CADM2: variants seen among roughly 807,000 people sequenced by gnomAD.
CADM2 encodes the protein immunoglobulin superfamily member 4D.
In CADM2, 12 loss-of-function variants were observed where a neutral mutation model predicts 49.8. The observed-to-expected ratio is 0.24, with a 90% CI of 0.15 to 0.39. CADM2 has a LOEUF of 0.39. Among genes scored for constraint, CADM2 ranks in the 10% least tolerant of loss-of-function variants. CADM2 has a pLI of 1.00. For synonymous variants in CADM2, 214 were observed against 175.4 expected, an observed-to-expected ratio of 1.22 and a Z score of -1.74; for missense variants, 378 against 492.3, an observed-to-expected ratio of 0.77 and a Z score of 2.20.
intron 1 of CADM2, among the ~76,000 whole-genome samples, chr3:85,645,320 G>A (rs577516585): frequency 6.6e-6 from 1 of 151,968 alleles, no homozygotes; most frequent in Non-Finnish European, 1.5e-5. Flanking sequence ...GACAAGCTGC[G>A]TTTTAAACAA....
At chr3:85,238,790 C>T (rs1205698358) in intron 1 of CADM2, among the ~76,000 whole-genome samples, 1 of 151,822 alleles carries the variant, frequency 6.6e-6, no homozygotes, top group Non-Finnish European at 1.5e-5. Context: ...ATACAATTTA[C>T]TTTGCAGAAT....
At chr3:84,976,850 A>T (rs1393379385) in intron 1 of CADM2, among the ~76,000 whole-genome samples, 1 of 151,864 alleles carries the variant, frequency 6.6e-6, no homozygotes, top group Non-Finnish European at 1.5e-5. Context: ...TTTCAAATGC[A>T]CCCTTGGAAA....
chr3:85,277,017 A>C (rs2043372434), intron 1 of CADM2, among the ~76,000 whole-genome samples: 1 of 151,386 alleles, frequency 6.6e-6, no homozygotes. Context: ...TATGATTGTT[A>C]ATCTTAAGCT....
intron 1 of CADM2, among the ~76,000 whole-genome samples, chr3:85,693,584 A>AAG (rs1239500989): frequency 2.8e-5 from 4 of 143,064 alleles, no homozygotes; most frequent in African/African-American, 1.0e-4. Flanking sequence ...AAAAAAAAAA[A>AAG]GAAAAGAAAA....
Position 85,201,858 on chromosome 3 carries a change from G to A in CADM2, c.61+242190G>A, listed in dbSNP as rs1438384837. On this transcript the variant is annotated intron_variant, in intron 1 of 9. Coordinates refer to ENST00000383699, the MANE Select transcript of CADM2 (RefSeq NM_001167675.2). ...AGCACTTTGGGAGGCCGAGGAGGGC[G>A]GATCACAAGGTCAAGAGATCAAGAC... Among the ~76,000 whole-genome samples the A allele has an allele frequency of 5.3e-5, 8 of 151,916 alleles. No individual in the cohort carries two copies. The South Asian group carries it at 1.2e-3, about 24-fold the overall frequency.
chr3:85,500,938 C>G (rs1325168967), intron 1 of CADM2, among the ~76,000 whole-genome samples: 1 of 152,130 alleles, frequency 6.6e-6, no homozygotes, highest in East Asian at 1.9e-4. Context: ...CTTAGACCAT[C>G]AAAGCCAAAA....
At chr3:85,374,196 T>G (rs2107330420) in intron 1 of CADM2, among the ~76,000 whole-genome samples, 1 of 152,308 alleles carries the variant, frequency 6.6e-6, no homozygotes, top group South Asian at 2.1e-4. Context: ...ATGTGAATGC[T>G]TTTAGGAGCA....
chr3:85,889,838 CAT>C (rs1553703018), intron 5 of CADM2, among the ~76,000 whole-genome samples: 2 of 151,912 alleles, frequency 1.3e-5, no homozygotes, highest in Non-Finnish European at 2.9e-5. Flanking sequence ...GAGAAAGAGA[CAT>C]AAAAACATAA....
intron 1 of CADM2, among the ~76,000 whole-genome samples, chr3:85,315,953 G>A (rs1192596357): frequency 6.6e-6 from 1 of 152,014 alleles, no homozygotes; most frequent in East Asian, 1.9e-4. Flanking sequence ...CAAGAAGGAA[G>A]ACATTTAAAA....
intron 3 of CADM2, among the ~76,000 whole-genome samples, chr3:85,808,656 T>A (rs1281649527): frequency 6.6e-6 from 1 of 152,194 alleles, no homozygotes; most frequent in Non-Finnish European, 1.5e-5. Flanking sequence ...TATGTGTTTT[T>A]ATATAAAAAT....
At chr3:85,824,319 G>A (rs1026678247) in intron 3 of CADM2, among the ~76,000 whole-genome samples, 2 of 152,162 alleles carry the variant, frequency 1.3e-5, no homozygotes, top group Non-Finnish European at 2.9e-5. Context: ...CCATGGTTTA[G>A]AGTGCTGTGT....
In CADM2 at chr3:86,013,305, T is replaced by TC. The variant is rs1181517505; in HGVS notation, c.970+51661dup. The TC allele has an allele frequency of 2.6e-6, 4 of 1,541,338 alleles. No individual in the cohort carries two copies. In the African/African-American group the frequency reaches 5.5e-5, roughly 21 times the overall value. ...GCAAGATGAGGACATTTTACCTCTA[T>TC]CCCTTGAAGAGAAGGAAAACAAAGA... On this transcript the variant is annotated intron_variant, in intron 8 of 9. Transcript: ENST00000383699.
At chr3:85,743,950 G>A (rs2068502054) in intron 2 of CADM2, among the ~76,000 whole-genome samples, 1 of 151,968 alleles carries the variant, frequency 6.6e-6, no homozygotes, top group South Asian at 2.1e-4. Flanking sequence ...TCTACTTTAG[G>A]TACTTCTGTT....
chr3:85,798,711 C>T (rs184777341), intron 2 of CADM2, among the ~76,000 whole-genome samples: 3 of 152,272 alleles, frequency 2.0e-5, no homozygotes, highest in East Asian at 3.9e-4. Context: ...GTGATGCCTC[C>T]AGCTTTGTTC....
intron 8 of CADM2, chr3:86,013,599 G>A (rs111547629): frequency 1.0e-5 from 16 of 1,600,240 alleles, no homozygotes; most frequent in South Asian, 6.7e-5. Context: ...TCTCAGGGAA[G>A]AGAGAGAATC....
At chr3:86,007,740 C>T (rs1321249215) in intron 8 of CADM2, among the ~76,000 whole-genome samples, 1 of 152,074 alleles carries the variant, frequency 6.6e-6, no homozygotes, top group Non-Finnish European at 1.5e-5. Flanking sequence ...CTATCAAGAC[C>T]AAGGAAATGT....
intron 1 of CADM2, among the ~76,000 whole-genome samples, chr3:85,422,712 C>A (rs1366158685): frequency 6.6e-6 from 1 of 152,098 alleles, no homozygotes. Flanking sequence ...GGGAGAGTTT[C>A]CTGACCCCCT....
At chr3:85,293,053 A>AG (rs2043848402) in intron 1 of CADM2, among the ~76,000 whole-genome samples, 1 of 152,178 alleles carries the variant, frequency 6.6e-6, no homozygotes, top group African/African-American at 2.4e-5. Flanking sequence ...CAAGACTAAG[A>AG]GAAAAAAAGA....
chr3:85,219,692 A>T (rs988370596), intron 1 of CADM2, among the ~76,000 whole-genome samples: 8 of 132,780 alleles, frequency 6.0e-5, no homozygotes, highest in East Asian at 1.9e-4. Flanking sequence ...ATTGATTTTT[A>T]AAAAAATATT....
Sources: allele counts gnomAD v4.1 joint callset (sites outside exome capture counted in the v4.1 genomes callset), GRCh38; gene constraint gnomAD v4.1.1; transcripts MANE v1.5; gene names NCBI Gene and HGNC (gene_info 2026-07-23, HGNC 2026-07-21).